WBP1L: variants seen among roughly 807,000 people sequenced by gnomAD.
The protein encoded by WBP1L is WW domain binding protein 1-like.
Under a neutral mutation model 33.7 loss-of-function variants are expected in WBP1L, and 17 were observed. The ratio of observed to expected loss-of-function variants is 0.50; its 90% confidence interval spans 0.34 to 0.76. The LOEUF (loss-of-function observed/expected upper bound fraction) is 0.76. Among genes scored for constraint, WBP1L ranks in the 30% least tolerant of loss-of-function variants. The probability of loss-of-function intolerance (pLI) is 0.01; values close to 1 mark genes in which losing one functional copy is unlikely to be tolerated. For synonymous variants in WBP1L, 173 were observed against 190.8 expected, an observed-to-expected ratio of 0.91 and a Z score of 0.77; for missense variants, 389 against 469.4, an observed-to-expected ratio of 0.83 and a Z score of 1.58.
intron 1 of WBP1L, among the ~76,000 whole-genome samples, chr10:102,754,456 C>T (rs539881317): frequency 3.3e-5 from 5 of 151,970 alleles, no homozygotes; most frequent in African/African-American, 9.6e-5. Context: ...TGGAGTGCAG[C>T]GGTGCGATCT....
rs1000538196 is a variant in WBP1L at position 102,784,576 on chromosome 10, C to T, written c.91-13417C>T. On this transcript the variant is annotated intron_variant, in intron 1 of 3. Transcript: ENST00000448841. Reference sequence around the variant, plus strand: ...AAGTAGCTGGGACTACAGGCGCCCGCCACCACACCCGGCTAATTTTTTGTA... The same window carrying T: ...AAGTAGCTGGGACTACAGGCGCCCGTCACCACACCCGGCTAATTTTTTGTA... 3.3e-5 allele frequency among the ~76,000 whole-genome samples: 5 copies of T among 151,934 alleles called. No homozygotes were observed. In the South Asian group the frequency reaches 8.3e-4, roughly 25 times the overall value.
intron 1 of WBP1L, among the ~76,000 whole-genome samples, chr10:102,773,668 A>G (rs1376384621): frequency 6.6e-6 from 1 of 152,168 alleles, no homozygotes; most frequent in African/African-American, 2.4e-5. Context: ...CAGGAGGATC[A>G]CTTGAGGACA....
At chr10:102,770,160 A>G (rs1843168578) in intron 1 of WBP1L, among the ~76,000 whole-genome samples, 1 of 152,216 alleles carries the variant, frequency 6.6e-6, no homozygotes, top group Admixed American at 6.5e-5. Flanking sequence ...GTTAATGCCT[A>G]GCCTCACACC....
chr10:102,771,276 G>A (rs1843182912), intron 1 of WBP1L, among the ~76,000 whole-genome samples: 1 of 152,192 alleles, frequency 6.6e-6, no homozygotes, highest in Admixed American at 6.5e-5. Context: ...AATTAATCCG[G>A]TACGGCACAG....
chr10:102,784,502 T>C (rs1037897965), intron 1 of WBP1L, among the ~76,000 whole-genome samples: 1 of 147,684 alleles, frequency 6.8e-6, no homozygotes, highest in Non-Finnish European at 1.5e-5. Context: ...CTTGGCTCAC[T>C]GCAAGCTCTG....
chr10:102,754,436 T>C (rs1842951106), intron 1 of WBP1L, among the ~76,000 whole-genome samples: 2 of 152,230 alleles, frequency 1.3e-5, no homozygotes, highest in African/African-American at 4.8e-5. Context: ...TCTTGCTCTG[T>C]TGCCCAAGCT....
At chr10:102,751,204 G>A (rs1010416866) in intron 1 of WBP1L, among the ~76,000 whole-genome samples, 1 of 152,134 alleles carries the variant, frequency 6.6e-6, no homozygotes, top group African/African-American at 2.4e-5. Context: ...GTTTTGCCAT[G>A]TTGGCCAGGC....
At chr10:102,807,265 G>T (rs1456873189) in intron 2 of WBP1L, among the ~76,000 whole-genome samples, 2 of 151,986 alleles carry the variant, frequency 1.3e-5, no homozygotes, top group Non-Finnish European at 2.9e-5. Flanking sequence ...CTACAGAGAA[G>T]CACATGTCCA....
At chr10:102,773,948 G>A (rs981002665) in intron 1 of WBP1L, among the ~76,000 whole-genome samples, 1 of 152,134 alleles carries the variant, frequency 6.6e-6, no homozygotes, top group Non-Finnish European at 1.5e-5. Context: ...GGTCATAGTG[G>A]CATCCCCAGT....
At chr10:102,798,731 GT>G (rs1362767062) in intron 2 of WBP1L, among the ~76,000 whole-genome samples, 1 of 152,212 alleles carries the variant, frequency 6.6e-6, no homozygotes, top group African/African-American at 2.4e-5. Flanking sequence ...CTGGCTTGCT[GT>G]TTTTGCAGAG....
chr10:102,755,909 G>A (rs1465515395), intron 1 of WBP1L, among the ~76,000 whole-genome samples: 1 of 151,506 alleles, frequency 6.6e-6, no homozygotes. Context: ...GCCGGGCGTG[G>A]TGGTGGGTGC....
rs1309954698 is a variant in WBP1L, at chr10:102,815,984, G to C, written c.*2653G>C. On this transcript the variant is annotated 3_prime_UTR_variant, in exon 4 of 4. Coordinates refer to ENST00000448841, the MANE Select transcript of WBP1L (RefSeq NM_001083913.2). ...CTGAAGGAATCGTTAGGGGGCCAGGGAGATGTGACTGAGGCTGGCTTTCCA... is the reference window on the plus strand; with the variant it reads ...CTGAAGGAATCGTTAGGGGGCCAGGCAGATGTGACTGAGGCTGGCTTTCCA... 7 of 152,714 alleles carry C rather than the reference G, an allele frequency of 4.6e-5. No homozygotes were observed. The highest frequency in any genetic ancestry group is 4.6e-4 in the Admixed American group (7 of 15,292). The allele number at this position is 152,714 out of a possible 1,614,324, so 9.5% of individuals were successfully genotyped here.
intron 1 of WBP1L, among the ~76,000 whole-genome samples, chr10:102,760,459 C>T (rs2134031312): frequency 6.6e-6 from 1 of 151,438 alleles, no homozygotes; most frequent in Admixed American, 6.6e-5. Context: ...TCAACTCAAC[C>T]TCCGCCTCCC....
At chr10:102,752,821 G>T (rs1254387956) in intron 1 of WBP1L, among the ~76,000 whole-genome samples, 1 of 152,212 alleles carries the variant, frequency 6.6e-6, no homozygotes, top group Non-Finnish European at 1.5e-5. Flanking sequence ...CACAAGAGAA[G>T]CTAAGTGTCC....
intron 1 of WBP1L, chr10:102,776,133 C>G: frequency 7.3e-7 from 1 of 1,373,216 alleles, no homozygotes; most frequent in Non-Finnish European, 9.4e-7. Flanking sequence ...TGGCAGACAG[C>G]TTCGGCTTTG....
chr10:102,805,977 G>T (rs1843727416), intron 2 of WBP1L, among the ~76,000 whole-genome samples: 2 of 151,316 alleles, frequency 1.3e-5, no homozygotes, highest in African/African-American at 4.9e-5. Flanking sequence ...GAGGCGGGCG[G>T]ATCACTTGAG....
At chr10:102,762,240 A>C (rs1433199350) in intron 1 of WBP1L, among the ~76,000 whole-genome samples, 1 of 152,184 alleles carries the variant, frequency 6.6e-6, no homozygotes, top group Non-Finnish European at 1.5e-5. Context: ...AATCTCTGAA[A>C]GATAACAATG....
intron 1 of WBP1L, among the ~76,000 whole-genome samples, chr10:102,745,361 T>C (rs936377122): frequency 2.6e-5 from 4 of 152,188 alleles, no homozygotes; most frequent in African/African-American, 9.7e-5. Context: ...TGGCATTTAG[T>C]ACACTTACAA....
chr10:102,783,635 C>T (rs183213608), intron 1 of WBP1L, among the ~76,000 whole-genome samples: 3 of 152,342 alleles, frequency 2.0e-5, no homozygotes, highest in Admixed American at 2.0e-4. Context: ...TTGCCCTTCC[C>T]CCATAGGGGA....
Sources: gnomAD v4.1 joint callset for allele counts (sites outside exome capture counted in the v4.1 genomes callset) on GRCh38, gnomAD v4.1.1 for gene constraint, MANE v1.5 for transcripts, NCBI Gene and HGNC (gene_info 2026-07-23, HGNC 2026-07-21) for gene names.